Variants in DAPP1 observed in about 807,000 individuals in gnomAD.
The protein encoded by DAPP1 is dual adapter for phosphotyrosine and 3-phosphotyrosine and 3-phosphoinositide.
Under a neutral mutation model 41.5 loss-of-function variants are expected in DAPP1, and 20 were observed. The observed-to-expected ratio is 0.48, with a 90% CI of 0.34 to 0.70. DAPP1 has a LOEUF of 0.70. Among genes scored for constraint, DAPP1 ranks in the 30% least tolerant of loss-of-function variants. DAPP1 has a pLI of 0.01. For synonymous variants in DAPP1, 113 were observed against 116.2 expected (o/e 0.97, Z 0.18); for missense variants, 233 against 333.4 (o/e 0.70, Z 2.35).
downstream of DAPP1, among the ~76,000 whole-genome samples, chr4:99,871,028 A>G (rs375573104): frequency 6.6e-6 from 1 of 152,188 alleles, no homozygotes; most frequent in East Asian, 1.9e-4. Flanking sequence ...CCTTCCCCCT[A>G]TGCCAGAACA....
rs1724040049 is a variant in DAPP1, at chr4:99,856,237, C to A, written c.489+2889C>A. Among the ~76,000 whole-genome samples the A allele has an allele frequency of 3.9e-5, 6 of 152,024 alleles. No individual in the cohort carries two copies. In the South Asian group the frequency reaches 1.2e-3, roughly 32 times the overall value. On this transcript the variant is annotated intron_variant, in intron 4 of 8. Coordinates refer to ENST00000512369, the MANE Select transcript of DAPP1 (RefSeq NM_014395.3). Reference sequence around the variant, plus strand: ...CACAGACAATAATCAATGCAGTAATCTGATACCAGACAGTAATACATCATG... The same window carrying A: ...CACAGACAATAATCAATGCAGTAATATGATACCAGACAGTAATACATCATG...
At chr4:99,833,434 G>T (rs1723189272) in intron 1 of DAPP1, among the ~76,000 whole-genome samples, 1 of 152,132 alleles carries the variant, frequency 6.6e-6, no homozygotes, top group South Asian at 2.1e-4. Context: ...TAGAAAATAG[G>T]TATCTTGGAG....
intron 1 of DAPP1, among the ~76,000 whole-genome samples, chr4:99,827,707 G>A (rs1722984451): frequency 6.6e-6 from 1 of 152,196 alleles, no homozygotes; most frequent in South Asian, 2.1e-4. Flanking sequence ...GTGCCCAGCA[G>A]CCAGAATAAG....
intron 4 of DAPP1, among the ~76,000 whole-genome samples, chr4:99,858,192 C>G (rs574547225): frequency 6.6e-6 from 1 of 152,210 alleles, no homozygotes; most frequent in African/African-American, 2.4e-5. Flanking sequence ...AGTAAAAGAT[C>G]CAGTCCTCAA....
At position 99,849,277 on chromosome 4, in the gene DAPP1, C is replaced by T. The variant is rs149406783; in HGVS notation, c.359-3941C>T. On this transcript the variant is annotated intron_variant, in intron 3 of 8. Transcript: ENST00000512369. Reference sequence around the variant, plus strand: ...ACAGAGATTTGAAAAGTTATGCCTGCGGTTATTGTCCTTTCTTGCCTCAGG... The same window carrying T: ...ACAGAGATTTGAAAAGTTATGCCTGTGGTTATTGTCCTTTCTTGCCTCAGG... 8.6e-3 allele frequency among the ~76,000 whole-genome samples: 1,315 copies of T among 152,260 alleles called. 5 individuals carry two copies. The highest frequency in any genetic ancestry group is 0.017 in the South Asian group (81 of 4,828).
intron 1 of DAPP1, among the ~76,000 whole-genome samples, chr4:99,821,320 G>A (rs1440573106): frequency 6.6e-6 from 1 of 152,208 alleles, no homozygotes; most frequent in Non-Finnish European, 1.5e-5. Flanking sequence ...ACTTCAATAA[G>A]CTAAGTATAC....
At chr4:99,825,262 G>T (rs1360300074) in intron 1 of DAPP1, among the ~76,000 whole-genome samples, 1 of 152,032 alleles carries the variant, frequency 6.6e-6, no homozygotes, top group Non-Finnish European at 1.5e-5. Context: ...GTGTCTCTGA[G>T]ACTTTGTGCC....
At chr4:99,866,193 T>C (rs1724452800) in intron 8 of DAPP1, 72 bp downstream of exon 8, 3 of 851,512 alleles carry the variant, frequency 3.5e-6, no homozygotes, top group Non-Finnish European at 5.8e-6. Context: ...CATATTTCTA[T>C]CAAAAGAGTC....
chr4:99,868,059 A>T, intron 8 of DAPP1, 58 bp from the exon 9 acceptor site: 1 of 1,432,188 alleles, frequency 7.0e-7, no homozygotes, highest in Admixed American at 1.7e-5. Context: ...ATTTGTTAGA[A>T]GCCAGGGTTC....
intron 1 of DAPP1, among the ~76,000 whole-genome samples, chr4:99,828,537 G>A (rs1451929598): frequency 2.6e-5 from 4 of 152,102 alleles, no homozygotes; most frequent in Admixed American, 6.6e-5. Flanking sequence ...AAACCCAGTG[G>A]GATAAGAAAC....
chr4:99,841,164 C>T (rs746324330), intron 3 of DAPP1, among the ~76,000 whole-genome samples: 36 of 152,162 alleles, frequency 2.4e-4, no homozygotes, highest in Non-Finnish European at 4.9e-4. Context: ...CAAGAACCTG[C>T]GGCACAAGAG....
At chr4:99,862,603 A>G (rs1264640532) in intron 5 of DAPP1, among the ~76,000 whole-genome samples, 1 of 152,176 alleles carries the variant, frequency 6.6e-6, no homozygotes, top group Non-Finnish European at 1.5e-5. Context: ...AACAATATTT[A>G]TCTTTATTAT....
Position 99,817,031 on chromosome 4 carries a change from C to G in DAPP1, c.101+17C>G, listed in dbSNP as rs763599481. ...GGACTTGGGGTAAGGCAGCAGATCT[C>G]CTTTCAAAGTACCTAGTGGGTGGAC... On this transcript the variant is annotated intron_variant, in intron 1 of 8. Coordinates refer to ENST00000512369, the MANE Select transcript of DAPP1 (RefSeq NM_014395.3). The G allele has an allele frequency of 1.3e-6, 2 of 1,575,072 alleles. No individual in the cohort carries two copies. The highest frequency in any genetic ancestry group is 1.7e-6 in the Non-Finnish European group (2 of 1,158,176).
chr4:99,857,049 G>A (rs182487251), intron 4 of DAPP1, among the ~76,000 whole-genome samples: 26 of 152,316 alleles, frequency 1.7e-4, no homozygotes, highest in African/African-American at 6.0e-4. Context: ...TAAGACATTT[G>A]GAACCTTGAC....
intron 1 of DAPP1, among the ~76,000 whole-genome samples, chr4:99,833,158 TC>T (rs1326684771): frequency 6.6e-6 from 1 of 152,254 alleles, no homozygotes; most frequent in Non-Finnish European, 1.5e-5. Flanking sequence ...AATTTTGGCT[TC>T]AGTTGAACTT....
intron 1 of DAPP1, among the ~76,000 whole-genome samples, chr4:99,819,990 T>C (rs1722710497): frequency 6.6e-6 from 1 of 152,212 alleles, no homozygotes; most frequent in South Asian, 2.1e-4. Flanking sequence ...CCATGTCTCA[T>C]TTATAGAGTG....
intron 2 of DAPP1, among the ~76,000 whole-genome samples, chr4:99,838,700 T>C (rs1331712833): frequency 1.3e-5 from 2 of 152,238 alleles, no homozygotes; most frequent in African/African-American, 2.4e-5. Context: ...CTGTGCGGCC[T>C]GGTTCCTAAC....
chr4:99,839,767 A>G (rs990538395), intron 2 of DAPP1, among the ~76,000 whole-genome samples: 1 of 152,190 alleles, frequency 6.6e-6, no homozygotes, highest in Non-Finnish European at 1.5e-5. Context: ...CTTCCATTAG[A>G]GTGAAAAGTT....
chr4:99,847,396 A>G (rs11947295), intron 3 of DAPP1, among the ~76,000 whole-genome samples: 41,464 of 152,060 alleles, frequency 0.27, 6,198 homozygotes, highest in African/African-American at 0.39. Context: ...GCATACAGTT[A>G]TATATGTAAC....
Sources: gnomAD v4.1 joint callset for allele counts (sites outside exome capture counted in the v4.1 genomes callset) on GRCh38, gnomAD v4.1.1 for gene constraint, MANE v1.5 for transcripts, NCBI Gene and HGNC (gene_info 2026-07-23, HGNC 2026-07-21) for gene names.